Variants in SANBR observed in about 807,000 individuals in gnomAD.
SANBR encodes SANT and BTB domain regulator of class switch recombination.
Under a neutral mutation model 101.8 loss-of-function variants are expected in SANBR, and 77 were observed. The observed-to-expected ratio is 0.76, with a 90% CI of 0.63 to 0.91. The LOEUF is 0.91. Ranked by LOEUF, SANBR falls within the 40% of genes least tolerant of loss-of-function variation. SANBR has a pLI of 0.00. For missense variants in SANBR, 875 were observed against 853.0 expected, an observed-to-expected ratio of 1.03 and a Z score of -0.32; for synonymous variants, 279 against 274.7, an observed-to-expected ratio of 1.02 and a Z score of -0.15.
intron 5 of SANBR, chr2:61,075,323 T>C (rs1681708678): frequency 6.6e-6 from 1 of 152,298 alleles, no homozygotes; most frequent in Non-Finnish European, 1.5e-5. Flanking sequence ...AGTGATGTTA[T>C]CACGACTCAC....
At chr2:61,119,365 T>G (rs898179857) in intron 20 of SANBR, among the ~76,000 whole-genome samples, 1 of 152,054 alleles carries the variant, frequency 6.6e-6, no homozygotes, top group African/African-American at 2.4e-5. Flanking sequence ...GATCCATAAA[T>G]GAAAAATTGG....
chr2:61,069,618 T>C (rs1392835781), intron 2 of SANBR: 1 of 152,352 alleles, frequency 6.6e-6, no homozygotes, highest in African/African-American at 2.4e-5. Context: ...CTTTTGTCAT[T>C]ATTTTCATCT....
intron 8 of SANBR, among the ~76,000 whole-genome samples, chr2:61,086,477 A>C (rs975208183): frequency 6.6e-6 from 1 of 152,170 alleles, no homozygotes; most frequent in Non-Finnish European, 1.5e-5. Context: ...CAATATTTAG[A>C]GATGCAGCAG....
intron 16 of SANBR, 143 bp downstream of exon 16, chr2:61,109,439 A>G (rs1023856106): frequency 2.5e-5 from 11 of 448,506 alleles, no homozygotes; most frequent in African/African-American, 1.6e-4. Flanking sequence ...GACACCATCA[A>G]GATTTCCTAA....
chr2:61,073,133 G>A (rs977759477), intron 4 of SANBR, among the ~76,000 whole-genome samples: 8 of 151,958 alleles, frequency 5.3e-5, no homozygotes, highest in African/African-American at 9.7e-5. Flanking sequence ...TCTCAGCAGC[G>A]GCAGAGTATT....
downstream of SANBR, among the ~76,000 whole-genome samples, chr2:61,126,394 A>G (rs1341560075): frequency 6.6e-6 from 1 of 152,070 alleles, no homozygotes; most frequent in African/African-American, 2.4e-5. Context: ...CCCAGCTTCC[A>G]TTTCAACTTC....
intron 20 of SANBR, among the ~76,000 whole-genome samples, chr2:61,118,565 G>GT: frequency 8.0e-6 from 1 of 125,222 alleles, no homozygotes; most frequent in Non-Finnish European, 1.7e-5. Context: ...GTTTTTTGTT[G>GT]GTTTTTTTTT....
chr2:61,106,619 AG>A lies in SANBR; in HGVS notation c.1569del (p.Glu523AspfsTer19). 6.2e-7 allele frequency: 1 copy of A among 1,601,042 alleles called. No homozygotes were observed. The highest frequency in any genetic ancestry group is 8.5e-7 in the Non-Finnish European group (1 of 1,175,942). On this transcript the variant is annotated frameshift_variant, in exon 14 of 22. Transcript: ENST00000402291. LOFTEE classifies it high-confidence loss of function. ...EKGIECDVLL[E>X]PNTPWGPKTG... ...GGTATAGAATGTGATGTTTTACTGG[AG>A]CCAAATACACCATGGGGTCCCAAAA...
chr2:61,129,923 A>G (rs1360616775), intron 20 of SANBR, among the ~76,000 whole-genome samples: 2 of 152,136 alleles, frequency 1.3e-5, no homozygotes, highest in East Asian at 3.8e-4. Flanking sequence ...TAAAATTATA[A>G]CAATGTGTTA....
chr2:61,100,116 T>A (rs1367863336), intron 12 of SANBR, among the ~76,000 whole-genome samples: 1 of 152,076 alleles, frequency 6.6e-6, no homozygotes, highest in Non-Finnish European at 1.5e-5. Flanking sequence ...GTTTTTCGTT[T>A]GTTTGTTTGA....
rs70959893 is a variant in SANBR at position 61,072,821 on chromosome 2, C to CTTT, written c.338-610_338-608dup. Among the ~76,000 whole-genome samples, 43 of 31,650 alleles carry CTTT rather than the reference C, an allele frequency of 1.4e-3. 5 individuals are homozygous for CTTT. The highest frequency in any genetic ancestry group is 5.5e-3 in the African/African-American group (41 of 7,448). 20.8% of individuals were successfully genotyped at this position (31,650 alleles called of 152,430 possible). ...AGACTCTTGCTTGTCTCTCATGTTA[C>CTTT]TTTTTTTTTTTTTTTTTTTTTTTTT... On this transcript the variant is annotated intron_variant, in intron 4 of 21. Coordinates refer to ENST00000402291, the MANE Select transcript of SANBR (RefSeq NM_001129993.3).
chr2:61,083,053 A>G (rs1006129625), intron 7 of SANBR, 101 bp from the exon 8 acceptor site: 2 of 940,532 alleles, frequency 2.1e-6, no homozygotes, highest in Admixed American at 2.4e-5. Context: ...GCCTAGCAAT[A>G]TATGGATTAG....
chr2:61,091,987 A>G (rs1290333466), intron 10 of SANBR, among the ~76,000 whole-genome samples: 1 of 152,256 alleles, frequency 6.6e-6, no homozygotes, highest in African/African-American at 2.4e-5. Flanking sequence ...GATATAAAGT[A>G]CTAATACATG....
At chr2:61,098,109 G>GT (rs34130593) in intron 12 of SANBR, among the ~76,000 whole-genome samples, 51 of 128,080 alleles carry the variant, frequency 4.0e-4, no homozygotes, top group Middle Eastern at 3.8e-3. Flanking sequence ...TTGTTTTTTT[G>GT]TTTTTTTTTT....
At position 61,124,187 on chromosome 2, in the gene SANBR, T is replaced by G; in HGVS notation, c.*2025T>G. On this transcript the variant is annotated 3_prime_UTR_variant, in exon 22 of 22. Coordinates refer to ENST00000402291, the MANE Select transcript of SANBR (RefSeq NM_001129993.3). The stretch of plus-strand genomic sequence containing the variant: ...ACCGCAAACATTTTACTTAAACTCT[T>G]AATAGCATTTCTTTCGCCAGATACT... The G allele has an allele frequency of 1.0e-6, 1 of 980,700 alleles. No individual in the cohort carries two copies. Among genetic ancestry groups the G allele is most frequent in the Non-Finnish European group, 1.2e-6 (1 of 825,466 alleles). The allele number at this position is 980,700 out of a possible 1,614,324, so 60.7% of individuals were successfully genotyped here.
Position 61,097,826 on chromosome 2 carries a change from C to G in SANBR, c.1339C>G (p.Arg447Gly). The G allele has an allele frequency of 6.2e-7, 1 of 1,612,988 alleles. No individual in the cohort carries two copies. Among genetic ancestry groups the G allele is most frequent in the Non-Finnish European group, 8.5e-7 (1 of 1,179,380 alleles). The change falls in exon 12 of 22, where the codon CGG becomes GGG. Residue 447 changes from arginine (R) to glycine (G), a missense_variant. Arg to Gly is a moderately radical substitution (Grantham distance 125). Coordinates refer to ENST00000402291, the MANE Select transcript of SANBR (RefSeq NM_001129993.3). ...TCCCTGCTGTAACCAAAAGGTTCTT[C>G]GGTTTGATCCTACTCAGCTTACAAA... ...IYPCCNQKVL[R>G]FDPTQLTKGC...
At chr2:61,089,300 G>A in intron 10 of SANBR, 11 of 447,088 alleles carry the variant, frequency 2.5e-5, no homozygotes, top group Non-Finnish European at 3.3e-5. Flanking sequence ...CACCTGAGGT[G>A]AGGAGTTTGA....
intron 8 of SANBR, among the ~76,000 whole-genome samples, chr2:61,085,565 C>T (rs1477288092): frequency 3.3e-5 from 5 of 151,824 alleles, no homozygotes; most frequent in African/African-American, 1.2e-4. Flanking sequence ...GGCTGGAGTG[C>T]AATCATGAGA....
chr2:61,116,317 T>G (rs995858965), intron 17 of SANBR, among the ~76,000 whole-genome samples: 7 of 152,168 alleles, frequency 4.6e-5, no homozygotes, highest in Non-Finnish European at 1.0e-4. Context: ...TATAAATAAC[T>G]TCCTTGTATA....
Sources: gnomAD v4.1 joint callset for allele counts (sites outside exome capture counted in the v4.1 genomes callset) on GRCh38, gnomAD v4.1.1 for gene constraint, MANE v1.5 for transcripts, NCBI Gene and HGNC (gene_info 2026-07-23, HGNC 2026-07-21) for gene names.